Variants in TRMT2A observed in about 807,000 individuals in gnomAD.
TRMT2A encodes tRNA methyltransferase 2A.
Under a neutral mutation model 59.3 loss-of-function variants are expected in TRMT2A, and 60 were observed. The ratio of observed to expected loss-of-function variants is 1.01; its 90% CI spans 0.82 to 1.26. The LOEUF is 1.26. Among genes scored for constraint, TRMT2A ranks in the 50% most tolerant of loss-of-function variants. TRMT2A has a pLI of 0.00. For missense variants in TRMT2A, 863 were observed against 845.2 expected (o/e 1.02, Z -0.26); for synonymous variants, 403 against 353.7 (o/e 1.14, Z -1.56).
chr22:20,112,994 G>C lies in TRMT2A; in HGVS notation c.1563C>G (p.Ile521Met). Reference protein sequence around the residue: ...PPRAGLHSKVILAIRRAKNLR... With the variant: ...PPRAGLHSKVMLAIRRAKNLR... Reference sequence around the variant, plus strand: ...GGTTCTTAGCTCTCCGGATGGCCAGGATCACCTTGGAATCTGAGGAGGCAA... The same window carrying C: ...GGTTCTTAGCTCTCCGGATGGCCAGCATCACCTTGGAATCTGAGGAGGCAA... The change falls in exon 11 of 12, where the codon ATC (isoleucine) becomes ATG (methionine). Residue 521 changes from isoleucine (I) to methionine (M), a missense_variant. Coordinates refer to ENST00000252136, the MANE Select transcript of TRMT2A (RefSeq NM_022727.6). 1 of 1,613,794 alleles carries C rather than the reference G, an allele frequency of 6.2e-7. No individual in the cohort carries two copies. The highest frequency in any genetic ancestry group is 8.5e-7 in the Non-Finnish European group (1 of 1,180,014).
At chr22:20,115,484 C>T in intron 3 of TRMT2A, 37 bp from the exon 4 acceptor site, 3 of 1,587,610 alleles carry the variant, frequency 1.9e-6, no homozygotes, top group Non-Finnish European at 2.6e-6. Context: ...CCCTGGCTGC[C>T]CAGCGCTTGG....
At chr22:20,115,973 C>G (rs1469899266) in intron 2 of TRMT2A, 65 bp downstream of exon 2, 2 of 1,504,964 alleles carry the variant, frequency 1.3e-6, no homozygotes, top group Non-Finnish European at 1.8e-6. Flanking sequence ...GGTGCATGGA[C>G]AGGCTGAGGA....
intron 11 of TRMT2A, 35 bp from the exon 12 acceptor site, chr22:20,112,829 G>A (rs769666529): frequency 1.4e-5 from 23 of 1,612,474 alleles, no homozygotes; most frequent in Admixed American, 6.7e-5. Flanking sequence ...AAGGTCAGCC[G>A]ATAGGCTAAT....
rs369061846 is a variant in TRMT2A, at chr22:20,116,883, C to T, written c.24G>A (p.Glu8=). 6.2e-7 allele frequency: 1 copy of T among 1,605,054 alleles called. No homozygotes were observed. The highest frequency in any genetic ancestry group is 1.7e-5 in the Admixed American group (1 of 59,452). The change falls in exon 1 of 12, where the codon GAG becomes GAA. Residue 8 remains glutamate (E), a splice_region_variant and synonymous_variant. Coordinates refer to ENST00000252136, the MANE Select transcript of TRMT2A (RefSeq NM_022727.6). MSENLDN[E]GPKPMESCGQ... is the part of the protein sequence containing the mutation. ...TACCCAGCGTCTCCCCGCACTCTACCTCGTTGTCGAGGTTCTCACTCATCG... is the reference window on the plus strand; with the variant it reads ...TACCCAGCGTCTCCCCGCACTCTACTTCGTTGTCGAGGTTCTCACTCATCG...
At position 20,115,073 on chromosome 22, in the gene TRMT2A, A is replaced by T. The variant is rs770557052; in HGVS notation, c.897T>A (p.Thr299=). 5 of 1,591,230 alleles carry T rather than the reference A, an allele frequency of 3.1e-6. No homozygotes were observed. The highest frequency in any genetic ancestry group is 4.3e-6 in the Non-Finnish European group (5 of 1,173,896). The change falls in exon 5 of 12, where the codon ACT becomes ACA. Residue 299 remains threonine, a synonymous_variant. Transcript: ENST00000252136. ...VKAFQEFIRS[T]PYSAYDPETY... ...TCTCTGGGTCGTATGCCGAGTATGG[A>T]GTGGACCTGTGGGAATCACGAGCTG... is the stretch of plus-strand genomic sequence containing the variant.
In TRMT2A at chr22:20,116,256, G is replaced by A. The variant is rs1282527472; in HGVS notation, c.381C>T (p.Arg127=). The A allele has an allele frequency of 1.9e-6, 3 of 1,612,822 alleles. No individual in the cohort carries two copies. Among genetic ancestry groups the A allele is most frequent in the African/African-American group, 1.3e-5 (1 of 74,958 alleles). The change falls in exon 2 of 12, where the codon CGC becomes CGT. Residue 127 remains arginine (R), a synonymous_variant. Transcript: ENST00000252136. ...RSAAERDKAL[R]VLHGALWKGR... The stretch of plus-strand genomic sequence containing the variant: ...CTTTCCAGAGGGCACCATGCAAAAC[G>A]CGCAGGGCCTTGTCCCTCTCTGCAG...
chr22:20,113,399 A>AAACCCCCCCC, intron 9 of TRMT2A, 33 bp downstream of exon 9: 1 of 713,634 alleles, frequency 1.4e-6, no homozygotes, highest in Non-Finnish European at 2.4e-6. Flanking sequence ...GGCTGCCCCC[A>AAACCCCCCCC]TCCCCACCCC....
At position 20,115,276 on chromosome 22, in the gene TRMT2A, C is replaced by T. The variant is rs1167981681; in HGVS notation, c.880G>A (p.Glu294Lys). The T allele has an allele frequency of 1.2e-6, 2 of 1,611,910 alleles. No individual in the cohort carries two copies. Among genetic ancestry groups the T allele is most frequent in the Non-Finnish European group, 1.7e-6 (2 of 1,179,266 alleles). The change falls in exon 4 of 12, where the codon GAG becomes AAG. Residue 294 changes from glutamate to lysine, a missense_variant. Glu to Lys is a moderately conservative substitution (Grantham distance 56). Coordinates refer to ENST00000252136, the MANE Select transcript of TRMT2A (RefSeq NM_022727.6). Reference protein sequence around the residue: ...ATKQVVKAFQEFIRSTPYSAY... With the variant: ...ATKQVVKAFQKFIRSTPYSAY... ...GTCACAGGTCCTCACCGGATGAACTCCTGGAAGGCCTTCACCACCTGCTTG... is the reference window on the plus strand; with the variant it reads ...GTCACAGGTCCTCACCGGATGAACTTCTGGAAGGCCTTCACCACCTGCTTG...
Position 20,113,674 on chromosome 22 carries a change from A to C in TRMT2A, c.1356+12T>G. 6.3e-7 allele frequency: 1 copy of C among 1,593,800 alleles called. No individual in the cohort carries two copies. The highest frequency in any genetic ancestry group is 2.2e-5 in the East Asian group (1 of 44,466). The stretch of plus-strand genomic sequence containing the variant: ...GGGGAGAGGGTGCCCTCAGCAGGGC[A>C]GGAGGGCTCACCCGGGCCAGGGCCA... On this transcript the variant is annotated intron_variant, in intron 8 of 11. Transcript: ENST00000252136.
At chr22:20,113,860 C>T (rs1301777448) in intron 7 of TRMT2A, 52 bp from the exon 8 acceptor site, 5 of 1,502,778 alleles carry the variant, frequency 3.3e-6, no homozygotes, top group African/African-American at 1.4e-5. Context: ...TGTGGTGCCA[C>T]TGGTGCCCCG....
At chr22:20,116,734 C>T in intron 1 of TRMT2A, 122 bp from the exon 2 acceptor site, 2 of 1,400,286 alleles carry the variant, frequency 1.4e-6, no homozygotes, top group Admixed American at 2.1e-5. Context: ...CTGCCCCTCC[C>T]CCAGTCTACC....
Position 20,113,687 on chromosome 22 carries a change from C to T in TRMT2A, c.1355G>A (p.Arg452Gln), listed in dbSNP as rs200026369. 507 of 1,595,116 alleles carry T rather than the reference C, an allele frequency of 3.2e-4. No homozygotes were observed. The highest frequency in any genetic ancestry group is 1.1e-3 in the East Asian group (48 of 44,426). The change falls in exon 8 of 12, where the codon CGG (arginine) becomes CAG (glutamine). Residue 452 changes from arginine to glutamine, a missense_variant and splice_region_variant. Physicochemically the swap from Arg to Gln is conservative, Grantham distance 43. Transcript: ENST00000252136. Reference protein sequence around the residue: ...GTGTIGLALARKVKRVIGVEL... With the variant: ...GTGTIGLALAQKVKRVIGVEL... ...CCTCAGCAGGGCAGGAGGGCTCACC[C>T]GGGCCAGGGCCAGGCCAATGGTGCC... is the stretch of plus-strand genomic sequence containing the variant.
At position 20,113,518 on chromosome 22, in the gene TRMT2A, A is replaced by G. The variant is rs1407848161; in HGVS notation, c.1357-11T>C. 1 of 1,613,290 alleles carries G rather than the reference A, an allele frequency of 6.2e-7. No homozygotes were observed. ...GACCCTCTTTACCTTCTGAAACAGG[A>G]AAGCGTGGTGTCGCCCCACCCAGGG... On this transcript the variant is annotated splice_polypyrimidine_tract_variant and intron_variant, in intron 8 of 11. Transcript: ENST00000252136.
intron 9 of TRMT2A, 31 bp downstream of exon 9, chr22:20,113,401 C>CGG: frequency 1.2e-4 from 109 of 893,370 alleles, no homozygotes; most frequent in Non-Finnish European, 1.8e-4. Flanking sequence ...CTGCCCCCAT[C>CGG]CCCACCCCCA....
At position 20,115,972 on chromosome 22, in the gene TRMT2A, A is replaced by T. The variant is rs115618351; in HGVS notation, c.599+66T>A. ...GCTGGGCCTCCCAACTGGTGCATGG[A>T]CAGGCTGAGGAAGCACAGGCCGGGC... is the stretch of plus-strand genomic sequence containing the variant. On this transcript the variant is annotated intron_variant, in intron 2 of 11. Transcript: ENST00000252136. 11 of 1,504,522 alleles carry T rather than the reference A, an allele frequency of 7.3e-6. No individual in the cohort carries two copies. In the African/African-American group the frequency reaches 1.4e-4, roughly 19 times the overall value. 93.2% of individuals were successfully genotyped at this position (1,504,522 alleles called of 1,614,324 possible).
intron 4 of TRMT2A, 37 bp from the exon 5 acceptor site, chr22:20,115,116 T>C (rs1431966854): frequency 6.4e-7 from 1 of 1,569,812 alleles, no homozygotes; most frequent in South Asian, 1.1e-5. Context: ...TGCCCACAAC[T>C]GGGCAAGCAG....
rs1370964051 is a variant in TRMT2A, at chr22:20,117,221, C to T, written c.-315G>A. ...AGCGCGTGCGGCGGAGGCCGAGCGT[C>T]TCTATGATCCTGGCTTCTGGCAACG... On this transcript the variant is annotated 5_prime_UTR_variant, in exon 1 of 12. Coordinates refer to ENST00000252136, the MANE Select transcript of TRMT2A (RefSeq NM_022727.6). 2 of 537,976 alleles carry T rather than the reference C, an allele frequency of 3.7e-6. No homozygotes were observed. The highest frequency in any genetic ancestry group is 6.1e-6 in the Non-Finnish European group (2 of 328,904). 33.3% of individuals were successfully genotyped at this position (537,976 alleles called of 1,614,324 possible).
intron 9 of TRMT2A, 33 bp from the exon 10 acceptor site, chr22:20,113,267 C>T (rs747248172): frequency 4.6e-6 from 7 of 1,523,430 alleles, no homozygotes; most frequent in Non-Finnish European, 3.5e-6. Context: ...TGTCAGAGGG[C>T]CACATGCCCT....
chr22:20,116,003 C>A (rs749048549), intron 2 of TRMT2A, 35 bp downstream of exon 2: 1 of 1,528,960 alleles, frequency 6.5e-7, no homozygotes, highest in Non-Finnish European at 8.8e-7. Flanking sequence ...CGGGCAGAGC[C>A]CTGGCCAAGA....
Sources: allele counts gnomAD v4.1 joint callset, GRCh38; gene constraint gnomAD v4.1.1; transcripts MANE v1.5; gene names NCBI Gene and HGNC (gene_info 2026-07-23, HGNC 2026-07-21).